The following POC1A variants were observed in gnomAD, a reference collection of about 807,000 sequenced individuals.
POC1A encodes POC1 centriolar protein homolog A.
A neutral mutation model predicts 47.8 loss-of-function variants in POC1A; 34 were observed. The observed-to-expected ratio is 0.71, with a 90% CI of 0.54 to 0.95. The LOEUF (loss-of-function observed/expected upper bound fraction) is 0.95, where lower values mean the gene tolerates loss of function less well. Among genes scored for constraint, POC1A ranks in the 40% least tolerant of loss-of-function variants. The pLI is 0.00. For synonymous variants in POC1A, 177 were observed against 207.6 expected, an observed-to-expected ratio of 0.85 and a Z score of 1.27; for missense variants, 466 against 528.3, an observed-to-expected ratio of 0.88 and a Z score of 1.16.
At chr3:52,092,011 C>T (rs1325642277) in intron 10 of POC1A, among the ~76,000 whole-genome samples, 1 of 152,236 alleles carries the variant, frequency 6.6e-6, no homozygotes, top group Non-Finnish European at 1.5e-5. Context: ...AGCCCTGAAA[C>T]TCAAGGAGGA....
chr3:52,147,413 A>C (rs1698403503), intron 4 of POC1A, among the ~76,000 whole-genome samples: 1 of 151,942 alleles, frequency 6.6e-6, no homozygotes, highest in Admixed American at 6.6e-5. Flanking sequence ...TTTTCAGGAA[A>C]CTGTGACTAA....
intron 9 of POC1A, among the ~76,000 whole-genome samples, chr3:52,120,836 C>T (rs1001873019): frequency 2.6e-5 from 4 of 152,244 alleles, no homozygotes; most frequent in Admixed American, 2.6e-4. Context: ...GCTCCATACT[C>T]CATTGCTGAG....
chr3:52,094,320 G>A (rs936124674), intron 10 of POC1A, among the ~76,000 whole-genome samples: 2 of 152,228 alleles, frequency 1.3e-5, no homozygotes, highest in African/African-American at 2.4e-5. Context: ...AAGATGGATG[G>A]TGGTGGCCGC....
chr3:52,130,824 G>A (rs1704183640), intron 7 of POC1A, among the ~76,000 whole-genome samples: 3 of 152,132 alleles, frequency 2.0e-5, no homozygotes, highest in South Asian at 4.1e-4. Flanking sequence ...GCTTGAAGGT[G>A]CATCCCCTTT....
intron 7 of POC1A, among the ~76,000 whole-genome samples, chr3:52,133,150 G>C (rs1441055396): frequency 6.6e-6 from 1 of 152,130 alleles, no homozygotes; most frequent in African/African-American, 2.4e-5. Context: ...CTCATGAAGG[G>C]GATTAGGTGC....
intron 10 of POC1A, among the ~76,000 whole-genome samples, chr3:52,085,586 C>G (rs939883435): frequency 6.6e-6 from 1 of 152,176 alleles, no homozygotes; most frequent in African/African-American, 2.4e-5. Context: ...GGCCCCGCTG[C>G]TAGGATGCCT....
chr3:52,104,924 A>G (rs768041541), intron 9 of POC1A, among the ~76,000 whole-genome samples: 4 of 152,252 alleles, frequency 2.6e-5, no homozygotes, highest in Admixed American at 6.5e-5. Context: ...GAGCTTGAGC[A>G]GAGATGGAAC....
intron 4 of POC1A, 120 bp from the exon 5 acceptor site, chr3:52,147,215 G>A: frequency 1.4e-6 from 1 of 709,822 alleles, no homozygotes; most frequent in South Asian, 1.6e-5. Flanking sequence ...ACCACCCGGG[G>A]TCACATGCCC....
chr3:52,127,229 C>A (rs1433595174), intron 7 of POC1A, among the ~76,000 whole-genome samples: 3 of 152,188 alleles, frequency 2.0e-5, no homozygotes, highest in African/African-American at 4.8e-5. Context: ...GGCTGTGTGG[C>A]CCCTGCTCAT....
chr3:52,077,554 C>T (rs1702156719), intron 10 of POC1A, among the ~76,000 whole-genome samples: 1 of 152,208 alleles, frequency 6.6e-6, no homozygotes, highest in Admixed American at 6.5e-5. Context: ...CCCTAAGAGG[C>T]AGAGCTGAGC....
At chr3:52,129,371 T>C (rs1432497724) in intron 7 of POC1A, among the ~76,000 whole-genome samples, 1 of 152,256 alleles carries the variant, frequency 6.6e-6, no homozygotes, top group Non-Finnish European at 1.5e-5. Context: ...ATACATGTTT[T>C]TGGAGACTGT....
intron 6 of POC1A, 36 bp from the exon 7 acceptor site, chr3:52,138,338 GGCACAGGGA>G: frequency 4.4e-6 from 7 of 1,589,606 alleles, no homozygotes; most frequent in Non-Finnish European, 6.0e-6. Context: ...CTGGCTAGGA[GGCACAGGGA>G]GCACAGCTGA....
At chr3:52,096,033 C>A (rs1055872726) in intron 10 of POC1A, among the ~76,000 whole-genome samples, 1 of 152,270 alleles carries the variant, frequency 6.6e-6, no homozygotes, top group African/African-American at 2.4e-5. Context: ...AAACATTTCC[C>A]AGATTCATCT....
intron 6 of POC1A, among the ~76,000 whole-genome samples, chr3:52,143,163 TGA>T (rs745681285): frequency 2.6e-5 from 4 of 152,034 alleles, no homozygotes; most frequent in Non-Finnish European, 5.9e-5. Flanking sequence ...GCAGGCCCAC[TGA>T]GAGGCTGTCA....
chr3:52,127,902 G>A (rs1226866303), intron 7 of POC1A, among the ~76,000 whole-genome samples: 2 of 152,018 alleles, frequency 1.3e-5, no homozygotes, highest in Non-Finnish European at 2.9e-5. Context: ...CGCCATGTTG[G>A]CCAGGCTGGT....
chr3:52,104,839 G>A (rs145395474), intron 9 of POC1A, among the ~76,000 whole-genome samples: 27 of 152,316 alleles, frequency 1.8e-4, no homozygotes, highest in African/African-American at 6.0e-4. Flanking sequence ...GGAGTGTCAG[G>A]CCTCCGCTGC....
At chr3:52,081,230 G>A (rs1030204786) in intron 10 of POC1A, among the ~76,000 whole-genome samples, 1 of 152,318 alleles carries the variant, frequency 6.6e-6, no homozygotes, top group African/African-American at 2.4e-5. Context: ...CACGCCTGCT[G>A]GCTTCCGTAT....
intron 9 of POC1A, among the ~76,000 whole-genome samples, chr3:52,102,082 T>C (rs1046948793): frequency 1.3e-5 from 2 of 152,238 alleles, no homozygotes; most frequent in African/African-American, 4.8e-5. Context: ...AGTTTGAATA[T>C]AACTCATCTA....
intron 6 of POC1A, among the ~76,000 whole-genome samples, chr3:52,138,792 G>T (rs979910612): frequency 2.6e-5 from 4 of 152,202 alleles, no homozygotes; most frequent in African/African-American, 7.2e-5. Flanking sequence ...TTAGGAAGCA[G>T]TCAGGCCTGC....
Sources: allele counts gnomAD v4.1 joint callset (sites outside exome capture counted in the v4.1 genomes callset), GRCh38; gene constraint gnomAD v4.1.1; transcripts MANE v1.5; gene names NCBI Gene and HGNC (gene_info 2026-07-23, HGNC 2026-07-21).